The following CCL28 variants were observed in gnomAD, a reference collection of about 807,000 sequenced individuals.
CCL28 encodes the protein C-C motif chemokine 28.
A neutral mutation model predicts 7.1 loss-of-function variants in CCL28; 4 were observed. The ratio of observed to expected loss-of-function variants is 0.56; its 90% CI spans 0.28 to 1.29. The LOEUF (loss-of-function observed/expected upper bound fraction) is 1.29, where lower values mean the gene tolerates loss of function less well. Ranked by LOEUF, CCL28 falls within the 50% of genes most tolerant of loss-of-function variation. The pLI, the probability that CCL28 is intolerant of heterozygous loss-of-function variation, is 0.11. For missense variants in CCL28, 151 were observed against 163.4 expected, an observed-to-expected ratio of 0.92 and a Z score of 0.41; for synonymous variants, 55 against 57.8, an observed-to-expected ratio of 0.95 and a Z score of 0.22.
chr5:43,391,247 T>C (rs1243164722), intron 1 of CCL28, among the ~76,000 whole-genome samples: 1 of 152,076 alleles, frequency 6.6e-6, no homozygotes, highest in Non-Finnish European at 1.5e-5. Context: ...GGGCAGTAAA[T>C]ATAGAGGAGA....
chr5:43,386,099 G>A (rs1740324487), intron 2 of CCL28, among the ~76,000 whole-genome samples: 1 of 152,198 alleles, frequency 6.6e-6, no homozygotes, highest in Non-Finnish European at 1.5e-5. Flanking sequence ...AAGGTGGAAG[G>A]AATTGAGAGG....
intron 1 of CCL28, among the ~76,000 whole-genome samples, chr5:43,395,217 A>G (rs1740749858): frequency 1.3e-5 from 2 of 148,602 alleles, no homozygotes; most frequent in Non-Finnish European, 3.0e-5. Flanking sequence ...ATATATTTAC[A>G]TATATATTTA....
At chr5:43,402,516 G>T (rs1216649223) in intron 1 of CCL28, among the ~76,000 whole-genome samples, 1 of 152,290 alleles carries the variant, frequency 6.6e-6, no homozygotes, top group East Asian at 1.9e-4. Context: ...TTGTGATCCT[G>T]TTTCTGTTCT....
intron 2 of CCL28, among the ~76,000 whole-genome samples, chr5:43,387,378 T>A (rs1297685612): frequency 6.6e-6 from 1 of 152,196 alleles, no homozygotes; most frequent in Non-Finnish European, 1.5e-5. Flanking sequence ...GAATCCAGAT[T>A]TACTAAATAC....
At chr5:43,375,551 T>C (rs1739874132), downstream of CCL28, among the ~76,000 whole-genome samples, 1 of 142,944 alleles carries the variant, frequency 7.0e-6, no homozygotes, top group Non-Finnish European at 1.5e-5. Flanking sequence ...CATTTTGAAC[T>C]CATTTTGAAG....
intron 1 of CCL28, among the ~76,000 whole-genome samples, chr5:43,392,143 A>G (rs1740598008): frequency 6.7e-6 from 1 of 150,348 alleles, no homozygotes. Flanking sequence ...TTCAGATGGA[A>G]TCTTACTCTG....
chr5:43,366,742 C>A, the CCL28 span, among the ~76,000 whole-genome samples: 1 of 152,208 alleles, frequency 6.6e-6, no homozygotes, highest in Non-Finnish European at 1.5e-5. Context: ...GAAGCTGCAC[C>A]CACAGCAGCC....
chr5:43,403,265 G>A (rs1172240530), intron 1 of CCL28, among the ~76,000 whole-genome samples: 1 of 152,224 alleles, frequency 6.6e-6, no homozygotes, highest in Non-Finnish European at 1.5e-5. Flanking sequence ...CCTCCCAGTA[G>A]GGGCCGACTG....
chr5:43,388,719 A>G (rs1466177392), intron 1 of CCL28, among the ~76,000 whole-genome samples: 1 of 152,264 alleles, frequency 6.6e-6, no homozygotes, highest in African/African-American at 2.4e-5. Context: ...GAAAAGAGTT[A>G]CAGACAAGGA....
chr5:43,391,339 G>A (rs1437029431), intron 1 of CCL28, among the ~76,000 whole-genome samples: 1 of 152,218 alleles, frequency 6.6e-6, no homozygotes, highest in African/African-American at 2.4e-5. Context: ...AATGTAAGTT[G>A]TAGGAGGATG....
At chr5:43,364,504 T>G in the CCL28 span, among the ~76,000 whole-genome samples, 1 of 152,170 alleles carries the variant, frequency 6.6e-6, no homozygotes, top group Non-Finnish European at 1.5e-5. Context: ...AATAAAGAAT[T>G]TTTTAAAAAT....
At chr5:43,395,877 T>TC (rs1332952136) in intron 1 of CCL28, among the ~76,000 whole-genome samples, 6 of 145,932 alleles carry the variant, frequency 4.1e-5, no homozygotes, top group African/African-American at 1.5e-4. Flanking sequence ...TTTTTTTTTT[T>TC]TTGAGACGGA....
chr5:43,368,264 C>A, the CCL28 span, among the ~76,000 whole-genome samples: 1 of 152,182 alleles, frequency 6.6e-6, no homozygotes, highest in Non-Finnish European at 1.5e-5. Flanking sequence ...GGAGGTAGTT[C>A]TCTCCTTCAC....
At chr5:43,388,297 G>T (rs3822423) in intron 2 of CCL28, 53 bp downstream of exon 2, 78,063 of 1,597,316 alleles carry the variant, frequency 0.049, 4,568 homozygotes, top group African/African-American at 0.28. Context: ...TATTCGTTGG[G>T]CAGGGAAATA....
chr5:43,361,312 CTT>C, the CCL28 span, among the ~76,000 whole-genome samples: 2 of 152,202 alleles, frequency 1.3e-5, no homozygotes, highest in East Asian at 1.9e-4. Context: ...AATAGAATGA[CTT>C]ATATTCCTTT....
intron 1 of CCL28, among the ~76,000 whole-genome samples, chr5:43,392,186 G>A (rs1304589904): frequency 2.0e-5 from 3 of 152,014 alleles, no homozygotes; most frequent in East Asian, 1.9e-4. Flanking sequence ...GCGCGATCTC[G>A]GCTCATTGCA....
chr5:43,411,900 G>T (rs561165014), intron 1 of CCL28, among the ~76,000 whole-genome samples: 1 of 152,392 alleles, frequency 6.6e-6, no homozygotes, highest in African/African-American at 2.4e-5. Context: ...AGGTTGGGGT[G>T]TGGAGGAAGA....
intron 1 of CCL28, among the ~76,000 whole-genome samples, chr5:43,391,974 T>C (rs1334306588): frequency 2.0e-5 from 3 of 152,236 alleles, no homozygotes; most frequent in African/African-American, 7.2e-5. Context: ...AGATGTCTCC[T>C]TGGGGCTTGT....
At chr5:43,375,393 A>G (rs1423905150), downstream of CCL28, among the ~76,000 whole-genome samples, 1 of 145,274 alleles carries the variant, frequency 6.9e-6, no homozygotes, top group East Asian at 2.0e-4. Context: ...AAAAAGGAGT[A>G]AAAACTCATC....
Sources: gnomAD v4.1 joint callset for allele counts (sites outside exome capture counted in the v4.1 genomes callset) on GRCh38, gnomAD v4.1.1 for gene constraint, MANE v1.5 for transcripts, NCBI Gene and HGNC (gene_info 2026-07-23, HGNC 2026-07-21) for gene names.